Variants in TEAD1 observed in about 807,000 individuals in gnomAD.
TEAD1 encodes TEA domain transcription factor 1.
A neutral mutation model predicts 54.9 loss-of-function variants in TEAD1; 9 were observed. That is an observed-to-expected ratio of 0.16 (90% confidence interval 0.10 to 0.29). TEAD1 has a LOEUF of 0.29. Ranked by LOEUF, TEAD1 falls within the 10% of genes least tolerant of loss-of-function variation. The probability of loss-of-function intolerance (pLI) is 1.00; values close to 1 mark genes in which losing one functional copy is unlikely to be tolerated. For synonymous variants in TEAD1, 200 were observed against 187.8 expected (o/e 1.07, Z -0.53); for missense variants, 387 against 535.9 (o/e 0.72, Z 2.74).
intron 9 of TEAD1, among the ~76,000 whole-genome samples, chr11:12,901,638 A>G (rs575234719): frequency 1.3e-5 from 2 of 152,280 alleles, no homozygotes; most frequent in South Asian, 4.1e-4. Context: ...ATTGGGTAAT[A>G]CAATTGTTTC....
chr11:12,764,654 A>T (rs1023796068), intron 3 of TEAD1, among the ~76,000 whole-genome samples: 1 of 152,020 alleles, frequency 6.6e-6, no homozygotes, highest in African/African-American at 2.4e-5. Context: ...TTCTTCTTCT[A>T]CATGTGTAGT....
chr11:12,899,975 A>T (rs1948393914), intron 9 of TEAD1, among the ~76,000 whole-genome samples: 1 of 152,240 alleles, frequency 6.6e-6, no homozygotes, highest in Non-Finnish European at 1.5e-5. Flanking sequence ...GATTTAAACC[A>T]GTATTCCTTC....
At chr11:12,872,483 T>C (rs148483447) in intron 5 of TEAD1, among the ~76,000 whole-genome samples, 1 of 152,352 alleles carries the variant, frequency 6.6e-6, no homozygotes, top group African/African-American at 2.4e-5. Context: ...ATATTTTTAT[T>C]ACCTTGTTTT....
intron 5 of TEAD1, among the ~76,000 whole-genome samples, chr11:12,875,288 G>T (rs1015682329): frequency 2.6e-5 from 4 of 152,192 alleles, no homozygotes; most frequent in Non-Finnish European, 5.9e-5. Flanking sequence ...TAAAGTCTGG[G>T]ATATTAAACC....
chr11:12,923,556 G>T (rs866603177), intron 10 of TEAD1, among the ~76,000 whole-genome samples: 12 of 152,324 alleles, frequency 7.9e-5, no homozygotes, highest in Middle Eastern at 3.4e-3. Flanking sequence ...GGAGCAGGGG[G>T]TTGGTAGATA....
At chr11:12,679,573 G>A (rs1384255659) in intron 2 of TEAD1, among the ~76,000 whole-genome samples, 3 of 152,040 alleles carry the variant, frequency 2.0e-5, no homozygotes, top group Admixed American at 6.6e-5. Flanking sequence ...GGTGGGAAAT[G>A]TTAATTATGT....
chr11:12,935,251 T>C (rs535217599), intron 12 of TEAD1, among the ~76,000 whole-genome samples: 1 of 152,238 alleles, frequency 6.6e-6, no homozygotes, highest in East Asian at 1.9e-4. Context: ...TTGAGAGCTC[T>C]CTGCGTGGTG....
intron 3 of TEAD1, among the ~76,000 whole-genome samples, chr11:12,783,421 T>C (rs945602985): frequency 2.0e-5 from 3 of 152,108 alleles, no homozygotes; most frequent in African/African-American, 7.2e-5. Flanking sequence ...GGTTCCTCCT[T>C]TAGAACTTGG....
At chr11:12,856,792 A>T (rs1589929669) in intron 3 of TEAD1, among the ~76,000 whole-genome samples, 1 of 152,180 alleles carries the variant, frequency 6.6e-6, no homozygotes. Context: ...TCCTAGGCCC[A>T]GGGCAGTCCA....
intron 2 of TEAD1, among the ~76,000 whole-genome samples, chr11:12,760,826 C>T (rs1020537925): frequency 6.6e-6 from 1 of 152,092 alleles, no homozygotes; most frequent in African/African-American, 2.4e-5. Context: ...GGATGGAGTG[C>T]CAGGATGGTT....
At chr11:12,886,226 G>A (rs1261129982) in intron 9 of TEAD1, among the ~76,000 whole-genome samples, 1 of 152,204 alleles carries the variant, frequency 6.6e-6, no homozygotes, top group Non-Finnish European at 1.5e-5. Context: ...TGCTAGAGTA[G>A]AGGCCAGAGA....
chr11:12,769,105 C>T (rs1945265431), intron 3 of TEAD1, among the ~76,000 whole-genome samples: 1 of 152,124 alleles, frequency 6.6e-6, no homozygotes, highest in South Asian at 2.1e-4. Context: ...TTGACTTTCT[C>T]CTTTTGCAAG....
intron 2 of TEAD1, among the ~76,000 whole-genome samples, chr11:12,727,495 T>A (rs1944336644): frequency 6.6e-6 from 1 of 151,982 alleles, no homozygotes; most frequent in African/African-American, 2.4e-5. Flanking sequence ...CAGTGGGGAC[T>A]GAGGATAAAG....
intron 2 of TEAD1, among the ~76,000 whole-genome samples, chr11:12,710,489 A>T (rs1275975050): frequency 2.0e-5 from 3 of 152,180 alleles, no homozygotes; most frequent in Non-Finnish European, 4.4e-5. Flanking sequence ...CCAGTAAATG[A>T]TGGTTAAACT....
At chr11:12,890,051 A>G (rs1009041381) in intron 9 of TEAD1, among the ~76,000 whole-genome samples, 5 of 152,282 alleles carry the variant, frequency 3.3e-5, no homozygotes, top group Middle Eastern at 3.4e-3. Flanking sequence ...TATGTCAATA[A>G]TGATCATCAC....
chr11:12,733,227 C>T (rs1373810957), intron 2 of TEAD1, among the ~76,000 whole-genome samples: 1 of 152,134 alleles, frequency 6.6e-6, no homozygotes, highest in African/African-American at 2.4e-5. Flanking sequence ...GGCTTTGGAC[C>T]CAGCGGCCCC....
chr11:12,805,328 G>C (rs1200581948), intron 3 of TEAD1, among the ~76,000 whole-genome samples: 2 of 152,162 alleles, frequency 1.3e-5, no homozygotes, highest in Non-Finnish European at 2.9e-5. Context: ...TCAATTTAGA[G>C]ATGTTAGAAC....
At chr11:12,778,368 G>A (rs73423650) in intron 3 of TEAD1, among the ~76,000 whole-genome samples, 279 of 152,100 alleles carry the variant, frequency 1.8e-3, no homozygotes, top group African/African-American at 6.2e-3. Context: ...CTGGGATACC[G>A]TTCATCCTGT....
Position 12,930,302 on chromosome 11 carries a change from T to C in TEAD1, c.1143T>C (p.Val381=). 1.2e-6 allele frequency: 2 copies of C among 1,614,242 alleles called. No individual in the cohort carries two copies. Among genetic ancestry groups the C allele is most frequent in the South Asian group, 1.1e-5 (1 of 91,088 alleles). The change falls in exon 12 of 13, where the codon GTT becomes GTC. Residue 381 remains valine (V), a synonymous_variant. Coordinates refer to ENST00000527636, the MANE Select transcript of TEAD1 (RefSeq NM_021961.6). ...CAGAGAAATATATGATGAACAGTGT[T>C]TTGGAAAACTTCACAATTTTATTGG...
Sources: allele counts gnomAD v4.1 joint callset (sites outside exome capture counted in the v4.1 genomes callset), GRCh38; gene constraint gnomAD v4.1.1; transcripts MANE v1.5; gene names NCBI Gene and HGNC (gene_info 2026-07-23, HGNC 2026-07-21).